XYLB: variants seen among roughly 807,000 people sequenced by gnomAD.
XYLB encodes the protein xylulokinase.
In XYLB, 62 loss-of-function variants were observed where a neutral mutation model predicts 78.7. That is an observed-to-expected ratio of 0.79 (90% CI 0.64 to 0.97). The LOEUF is 0.97. Among genes scored for constraint, XYLB ranks in the 50% least tolerant of loss-of-function variants. The pLI is 0.00. For missense variants in XYLB, 687 were observed against 676.8 expected, an observed-to-expected ratio of 1.02 and a Z score of -0.17; for synonymous variants, 245 against 247.4, an observed-to-expected ratio of 0.99 and a Z score of 0.09.
At chr3:38,446,513 A>G in the XYLB span, among the ~76,000 whole-genome samples, 1 of 152,220 alleles carries the variant, frequency 6.6e-6, no homozygotes, top group Non-Finnish European at 1.5e-5. Flanking sequence ...ACCTTACTTC[A>G]AAATATATTA....
At chr3:38,409,810 G>A (rs1034164318) in intron 18 of XYLB, among the ~76,000 whole-genome samples, 1 of 152,072 alleles carries the variant, frequency 6.6e-6, no homozygotes, top group Non-Finnish European at 1.5e-5. Context: ...AAAATACTTA[G>A]GAATCCAACT....
chr3:38,444,694 G>T, the XYLB span, among the ~76,000 whole-genome samples: 1 of 152,118 alleles, frequency 6.6e-6, no homozygotes, highest in South Asian at 2.1e-4. Flanking sequence ...GGTCAAATTG[G>T]TCCCAGTGGC....
chr3:38,368,984 G>A (rs1326062819), intron 8 of XYLB, among the ~76,000 whole-genome samples: 1 of 152,220 alleles, frequency 6.6e-6, no homozygotes, highest in Non-Finnish European at 1.5e-5. Context: ...ATGCCAGTGA[G>A]GAGGGAAAGC....
chr3:38,419,604 A>ATATATATATATATATATAT (rs1559628830), downstream of XYLB, among the ~76,000 whole-genome samples: 43 of 107,214 alleles, frequency 4.0e-4, no homozygotes, highest in African/African-American at 8.5e-4. Context: ...ATATATATAT[A>ATATATATATATATATATAT]ATAGCCATCG....
rs745321143 is a variant in XYLB at position 38,375,270 on chromosome 3, G to GTGT, written c.1004+14_1004+16dup. 15 of 1,612,832 alleles carry GTGT rather than the reference G, an allele frequency of 9.3e-6. No individual in the cohort carries two copies. In the African/African-American group the frequency reaches 1.9e-4, roughly 20 times the overall value. ...CATGGCACTCCTGTGGTGAGCTTGG[G>GTGT]TGTTGGTTGGCACCATTCCCTGGGT... On this transcript the variant is annotated intron_variant, in intron 12 of 18. Coordinates refer to ENST00000207870, the MANE Select transcript of XYLB (RefSeq NM_005108.4).
intron 15 of XYLB, among the ~76,000 whole-genome samples, chr3:38,385,980 T>C (rs897592581): frequency 2.0e-5 from 3 of 152,240 alleles, no homozygotes; most frequent in African/African-American, 7.2e-5. Flanking sequence ...TATGTCTGTA[T>C]CAATACACAC....
intron 15 of XYLB, among the ~76,000 whole-genome samples, chr3:38,387,974 G>A (rs779215801): frequency 6.6e-6 from 1 of 151,522 alleles, no homozygotes; most frequent in Non-Finnish European, 1.5e-5. Flanking sequence ...TTCTTAAAAT[G>A]CTATTTAATT....
At chr3:38,358,424 A>C (rs1428021665) in intron 2 of XYLB, among the ~76,000 whole-genome samples, 2 of 146,002 alleles carry the variant, frequency 1.4e-5, no homozygotes, top group South Asian at 2.2e-4. Context: ...AGCTCATTGC[A>C]TCCTCCGCCT....
chr3:38,351,643 T>C (rs898672527), intron 2 of XYLB, among the ~76,000 whole-genome samples: 1 of 152,214 alleles, frequency 6.6e-6, no homozygotes, highest in Non-Finnish European at 1.5e-5. Flanking sequence ...TTCCATGTCC[T>C]AAAAATTTCC....
chr3:38,436,364 T>G, the XYLB span, among the ~76,000 whole-genome samples: 1 of 152,102 alleles, frequency 6.6e-6, no homozygotes, highest in Admixed American at 6.5e-5. Context: ...CTACCAAGTT[T>G]GAACCAAGAA....
At chr3:38,431,410 C>G in the XYLB span, among the ~76,000 whole-genome samples, 2 of 152,150 alleles carry the variant, frequency 1.3e-5, no homozygotes, top group African/African-American at 2.4e-5. Flanking sequence ...TGTATCCTGA[C>G]ACTTTGCTGA....
the XYLB span, among the ~76,000 whole-genome samples, chr3:38,431,049 G>T: frequency 2.0e-5 from 3 of 152,132 alleles, no homozygotes; most frequent in Admixed American, 6.6e-5. Context: ...CTCCTTTTTG[G>T]TTCCATATGA....
At chr3:38,360,152 T>C (rs1005386426) in intron 2 of XYLB, among the ~76,000 whole-genome samples, 187 bp from the exon 3 acceptor site, 6 of 152,210 alleles carry the variant, frequency 3.9e-5, no homozygotes, top group Non-Finnish European at 8.8e-5. Flanking sequence ...CTCTGGGCAA[T>C]TTGCCTGTCT....
Position 38,413,001 on chromosome 3 carries a change from GC to G in XYLB, c.1601del (p.Pro534LeufsTer17), listed in dbSNP as rs774587501. ...AGAGAATCTTGTCTCAGACCCGGGG[GC>G]CTCCGGAGTGAACAGGCATCCCTGT... ...EQRILSQTRG[P>X]PE is the part of the protein sequence containing the mutation. On this transcript the variant is annotated frameshift_variant, in exon 19 of 19. Transcript: ENST00000207870. LOFTEE classifies it high-confidence loss of function. 1 of 1,600,250 alleles carries G rather than the reference GC, an allele frequency of 6.2e-7. No homozygotes were observed. The highest frequency in any genetic ancestry group is 8.5e-7 in the Non-Finnish European group (1 of 1,175,746).
the XYLB span, among the ~76,000 whole-genome samples, chr3:38,450,440 G>A: frequency 2.0e-5 from 3 of 152,080 alleles, no homozygotes. Flanking sequence ...TCAATTCCTT[G>A]GTTTCTGGTC....
chr3:38,450,921 A>G, the XYLB span: 1 of 152,194 alleles, frequency 6.6e-6, no homozygotes, highest in African/African-American at 2.4e-5. Flanking sequence ...TATTTTGCTG[A>G]TGGACTGTAT....
intron 14 of XYLB, among the ~76,000 whole-genome samples, chr3:38,377,253 T>C (rs1177661136): frequency 6.6e-6 from 1 of 152,078 alleles, no homozygotes; most frequent in East Asian, 1.9e-4. Flanking sequence ...AACACTATCA[T>C]TGTGTATCAC....
chr3:38,430,774 G>A, the XYLB span, among the ~76,000 whole-genome samples: 2 of 152,158 alleles, frequency 1.3e-5, no homozygotes, highest in East Asian at 3.9e-4. Flanking sequence ...TCTACACATG[G>A]CTAGCCAGTT....
intron 18 of XYLB, among the ~76,000 whole-genome samples, chr3:38,410,562 C>A (rs1708532968): frequency 6.6e-6 from 1 of 152,190 alleles, no homozygotes; most frequent in African/African-American, 2.4e-5. Flanking sequence ...AGAGCTTCTG[C>A]ACAGCAAACG....
Sources: allele counts gnomAD v4.1 joint callset (sites outside exome capture counted in the v4.1 genomes callset), GRCh38; gene constraint gnomAD v4.1.1; transcripts MANE v1.5; gene names NCBI Gene and HGNC (gene_info 2026-07-23, HGNC 2026-07-21).